MDFIC2: variants seen among roughly 807,000 people sequenced by gnomAD.
MDFIC2 encodes the protein myoD family inhibitor domain-containing protein 2.
intron 2 of MDFIC2, among the ~76,000 whole-genome samples, chr3:70,284,429 C>T (rs1044763772): frequency 5.9e-5 from 9 of 152,068 alleles, no homozygotes; most frequent in African/African-American, 2.2e-4. Context: ...AAAAGAGAAC[C>T]TCTCACTTTG....
intron 2 of MDFIC2, among the ~76,000 whole-genome samples, chr3:70,285,554 G>A (rs1431026593): frequency 6.6e-6 from 1 of 150,668 alleles, no homozygotes; most frequent in Admixed American, 6.6e-5. Flanking sequence ...ATGATTTATA[G>A]TCCTTTGGGT....
Position 70,302,482 on chromosome 3 carries a change from C to T in MDFIC2, c.88+9404G>A, listed in dbSNP as rs190702355. 2.6e-5 allele frequency: 4 copies of T among 152,160 alleles called. No individual in the cohort carries two copies. In the East Asian group the frequency reaches 7.7e-4, roughly 29 times the overall value. The allele number at this position is 152,160 out of a possible 1,614,324, so 9.4% of individuals were successfully genotyped here. A position where few individuals can be genotyped will look rare whatever the true frequency, so the allele number is the denominator to read the frequency against. On this transcript the variant is annotated intron_variant, in intron 2 of 3. Coordinates refer to ENST00000567252, the MANE Select transcript of MDFIC2 (RefSeq NM_001364677.1). ...TCTCACTATAAGACTGCTCTTTATA[C>T]TAATGTTGATTAAGTGTATCACATC...
intron 2 of MDFIC2, among the ~76,000 whole-genome samples, chr3:70,297,808 TATC>T (rs1287117814): frequency 5.3e-5 from 8 of 152,230 alleles, no homozygotes; most frequent in Non-Finnish European, 1.0e-4. Flanking sequence ...AAAGTGTTAT[TATC>T]ATAAACTCAC....
At chr3:70,214,956 A>T (rs889173390) in intron 2 of MDFIC2, among the ~76,000 whole-genome samples, 3 of 152,164 alleles carry the variant, frequency 2.0e-5, no homozygotes, top group African/African-American at 7.2e-5. Flanking sequence ...CTGAAAAAAT[A>T]AATGAAGCCA....
intron 2 of MDFIC2, among the ~76,000 whole-genome samples, chr3:70,263,282 G>T (rs900343134): frequency 6.6e-6 from 1 of 151,492 alleles, no homozygotes; most frequent in African/African-American, 2.4e-5. Flanking sequence ...TCGAGTGCTG[G>T]TTTTTAAAAA....
At chr3:70,249,319 G>T (rs6549304) in intron 2 of MDFIC2, 150,916 of 152,250 alleles carry the variant, frequency 0.99, 74,814 homozygotes, top group East Asian at 1. Flanking sequence ...AAGTTATAAT[G>T]TGAATTTGGA....
chr3:70,290,168 GT>G (rs1474133719), intron 2 of MDFIC2, among the ~76,000 whole-genome samples: 3 of 152,124 alleles, frequency 2.0e-5, no homozygotes, highest in South Asian at 4.1e-4. Context: ...TTTCTGTTCT[GT>G]TTTTTCCCCA....
At chr3:70,288,801 T>C (rs1458498716) in intron 2 of MDFIC2, among the ~76,000 whole-genome samples, 1 of 151,884 alleles carries the variant, frequency 6.6e-6, no homozygotes, top group Admixed American at 6.6e-5. Flanking sequence ...TTGATCCCTT[T>C]ACCATTATGT....
chr3:70,242,820 G>T (rs1701675389), intron 2 of MDFIC2, among the ~76,000 whole-genome samples: 1 of 152,074 alleles, frequency 6.6e-6, no homozygotes, highest in Non-Finnish European at 1.5e-5. Flanking sequence ...TCTAATTTTT[G>T]TCTGGTGGGT....
intron 2 of MDFIC2, among the ~76,000 whole-genome samples, chr3:70,262,739 T>G (rs1701878707): frequency 6.6e-6 from 1 of 152,176 alleles, no homozygotes; most frequent in Non-Finnish European, 1.5e-5. Context: ...TCTGTAAGTT[T>G]ATAGTTTTCA....
At chr3:70,260,779 G>C (rs1404352971) in intron 2 of MDFIC2, among the ~76,000 whole-genome samples, 1 of 151,746 alleles carries the variant, frequency 6.6e-6, no homozygotes. Flanking sequence ...ATTATTGCTA[G>C]CTCCAAGGTA....
intron 2 of MDFIC2, among the ~76,000 whole-genome samples, chr3:70,224,717 GT>G (rs540424878): frequency 1.1e-4 from 16 of 148,758 alleles, no homozygotes; most frequent in Admixed American, 2.7e-4. Context: ...TTCACCCTTG[GT>G]TTTTTTTTTA....
At chr3:70,238,418 G>T (rs114819871) in intron 2 of MDFIC2, among the ~76,000 whole-genome samples, 1,886 of 151,952 alleles carry the variant, frequency 0.012, 48 homozygotes, top group African/African-American at 0.042. Context: ...AGACTAGCCT[G>T]GCAACATGTA....
intron 2 of MDFIC2, among the ~76,000 whole-genome samples, chr3:70,227,165 A>T (rs891481135): frequency 6.6e-6 from 1 of 152,214 alleles, no homozygotes; most frequent in African/African-American, 2.4e-5. Context: ...CAACAAGATC[A>T]TATTTTTGTC....
chr3:70,291,013 C>G (rs903792339), intron 2 of MDFIC2, among the ~76,000 whole-genome samples: 9 of 152,216 alleles, frequency 5.9e-5, no homozygotes, highest in African/African-American at 2.2e-4. Flanking sequence ...CAGAAATCAC[C>G]GGTCTTCTGC....
At chr3:70,246,809 C>G (rs567459834) in intron 2 of MDFIC2, among the ~76,000 whole-genome samples, 2 of 152,042 alleles carry the variant, frequency 1.3e-5, no homozygotes, top group South Asian at 4.1e-4. Context: ...GAAAAAAACC[C>G]AATAGACCTT....
At chr3:70,201,000 A>G (rs1701232310) in intron 3 of MDFIC2, among the ~76,000 whole-genome samples, 1 of 150,660 alleles carries the variant, frequency 6.6e-6, no homozygotes, top group African/African-American at 2.4e-5. Flanking sequence ...TTCTCCTTCT[A>G]TATTTAGAAC....
At chr3:70,224,260 C>T (rs1388307571) in intron 2 of MDFIC2, among the ~76,000 whole-genome samples, 2 of 152,202 alleles carry the variant, frequency 1.3e-5, no homozygotes, top group Admixed American at 6.5e-5. Flanking sequence ...ATGCACCTGA[C>T]ATGTTGCACT....
intron 2 of MDFIC2, among the ~76,000 whole-genome samples, chr3:70,242,488 C>G (rs1277833189): frequency 6.6e-6 from 1 of 152,182 alleles, no homozygotes; most frequent in African/African-American, 2.4e-5. Context: ...CTTGGACAAG[C>G]ATGATAGCTT....
Sources: gnomAD v4.1 joint callset for allele counts (sites outside exome capture counted in the v4.1 genomes callset) on GRCh38, gnomAD v4.1.1 for gene constraint, MANE v1.5 for transcripts, NCBI Gene and HGNC (gene_info 2026-07-23, HGNC 2026-07-21) for gene names.